NID2: variants seen among roughly 807,000 people sequenced by gnomAD.
NID2 encodes nidogen-2.
A neutral mutation model predicts 145.4 loss-of-function variants in NID2; 83 were observed. The observed-to-expected ratio is 0.57, with a 90% CI of 0.48 to 0.69. The LOEUF is 0.69. NID2 is among the 30% of genes least tolerant of loss of function. The pLI is 0.00. For missense variants in NID2, 1,807 were observed against 1,765.7 expected, an observed-to-expected ratio of 1.02 and a Z score of -0.42; for synonymous variants, 739 against 701.3, an observed-to-expected ratio of 1.05 and a Z score of -0.85.
intron 1 of NID2, 51 bp from the exon 2 acceptor site, chr14:52,068,214 C>G (rs1224108011): frequency 6.4e-7 from 1 of 1,558,758 alleles, no homozygotes; most frequent in South Asian, 1.1e-5. Flanking sequence ...CCCAAGGACG[C>G]TACCCTTTCG....
intron 9 of NID2, among the ~76,000 whole-genome samples, chr14:52,031,088 A>T (rs34389178): frequency 0.068 from 10,382 of 152,274 alleles, 395 homozygotes; most frequent in Middle Eastern, 0.13. Flanking sequence ...TCCATAGCTC[A>T]TGCTTTCCAC....
At chr14:52,031,277 A>G (rs1891862149) in intron 9 of NID2, among the ~76,000 whole-genome samples, 1 of 152,208 alleles carries the variant, frequency 6.6e-6, no homozygotes, top group Non-Finnish European at 1.5e-5. Context: ...ACATCTGCCA[A>G]TCCTGCTAAA....
intron 3 of NID2, among the ~76,000 whole-genome samples, chr14:52,054,543 C>T (rs1443178165): frequency 1.3e-5 from 2 of 152,128 alleles, no homozygotes; most frequent in African/African-American, 4.8e-5. Flanking sequence ...CTCTACAAAA[C>T]CCTTTTCTAA....
At chr14:52,054,588 C>T (rs779396046) in intron 3 of NID2, among the ~76,000 whole-genome samples, 5 of 152,298 alleles carry the variant, frequency 3.3e-5, no homozygotes, top group South Asian at 4.1e-4. Context: ...CATGCCTGTG[C>T]TTCTAGCTAC....
At chr14:52,060,797 T>C (rs1893001312) in intron 2 of NID2, among the ~76,000 whole-genome samples, 1 of 152,178 alleles carries the variant, frequency 6.6e-6, no homozygotes, top group Non-Finnish European at 1.5e-5. Flanking sequence ...ATTCATTCAT[T>C]CATCCATTTA....
chr14:52,019,522 T>G (rs968735029), intron 13 of NID2, among the ~76,000 whole-genome samples: 5 of 152,172 alleles, frequency 3.3e-5, no homozygotes, highest in Non-Finnish European at 5.9e-5. Flanking sequence ...CCCCTCCCTA[T>G]TGTCATCTGG....
rs113122501 is a variant in NID2, at chr14:52,026,999, A to G, written c.2674+202T>C. Among the ~76,000 whole-genome samples the G allele has an allele frequency of 1.4e-4, 21 of 152,320 alleles. 1 individual carries two copies. The highest frequency in any genetic ancestry group is 5.1e-4 in the African/African-American group (21 of 41,578). ...AACGTCTCCGCCAAGGAAGCCATAT[A>G]TGCTCGCCCATCTAGTCCAGAGGAA... On this transcript the variant is annotated intron_variant, in intron 12 of 21. Coordinates refer to ENST00000216286, the MANE Select transcript of NID2 (RefSeq NM_007361.4).
intron 9 of NID2, among the ~76,000 whole-genome samples, chr14:52,035,407 A>C (rs1566759147): frequency 6.6e-6 from 1 of 152,210 alleles, no homozygotes; most frequent in African/African-American, 2.4e-5. Context: ...ACAGAGCAAC[A>C]TGCTTTTAAG....
In NID2 at chr14:52,053,984, G is replaced by T. The variant is rs1023267196; in HGVS notation, c.1069+36C>A. The T allele has an allele frequency of 3.7e-6, 6 of 1,611,252 alleles. No individual in the cohort carries two copies. The African/African-American group carries it at 5.3e-5, about 14-fold the overall frequency. On this transcript the variant is annotated intron_variant, in intron 4 of 21. Transcript: ENST00000216286. ...CAATAAGTAGGTGTTGGATGCAAGGGGGAGGACAGATCAGAATCTGGAGGG... is the reference window on the plus strand; with the variant it reads ...CAATAAGTAGGTGTTGGATGCAAGGTGGAGGACAGATCAGAATCTGGAGGG...
At chr14:52,047,557 T>C (rs2140412892) in intron 5 of NID2, among the ~76,000 whole-genome samples, 1 of 152,136 alleles carries the variant, frequency 6.6e-6, no homozygotes, top group Non-Finnish European at 1.5e-5. Flanking sequence ...CCGACTACAG[T>C]AAATCAGACA....
intron 18 of NID2, 92 bp from the exon 19 acceptor site, chr14:52,008,059 T>G: frequency 9.8e-7 from 1 of 1,022,284 alleles, no homozygotes; most frequent in Non-Finnish European, 1.4e-6. Flanking sequence ...CATCTCCTCA[T>G]GTATTATAGC....
intron 9 of NID2, among the ~76,000 whole-genome samples, chr14:52,034,662 T>G (rs1422727828): frequency 2.6e-5 from 4 of 152,228 alleles, no homozygotes; most frequent in Non-Finnish European, 1.5e-5. Flanking sequence ...CAACACTTCT[T>G]TATTGAGCCT....
intron 5 of NID2, among the ~76,000 whole-genome samples, chr14:52,051,772 A>G (rs1892686850): frequency 6.6e-6 from 1 of 152,202 alleles, no homozygotes; most frequent in Non-Finnish European, 1.5e-5. Flanking sequence ...CTTCCTCCAA[A>G]ATGCGTATTA....
intron 5 of NID2, 132 bp from the exon 6 acceptor site, chr14:52,043,063 G>C (rs1892345286): frequency 1.2e-6 from 1 of 815,560 alleles, no homozygotes; most frequent in African/African-American, 1.7e-5. Flanking sequence ...TAAGAGACCG[G>C]CATAACATTC....
intron 9 of NID2, among the ~76,000 whole-genome samples, chr14:52,037,661 A>T (rs922442726): frequency 2.0e-5 from 3 of 152,188 alleles, no homozygotes; most frequent in Non-Finnish European, 2.9e-5. Flanking sequence ...AAATTCTAGA[A>T]TCAGCTTGCC....
intron 16 of NID2, among the ~76,000 whole-genome samples, chr14:52,012,933 A>G (rs1220579069): frequency 6.6e-6 from 1 of 152,134 alleles, no homozygotes; most frequent in African/African-American, 2.4e-5. Context: ...GCCCCCTGGG[A>G]GCGTAGTCAG....
rs149636793 is a variant in NID2 at position 52,060,284 on chromosome 14, C to T, written c.607G>A (p.Gly203Ser). The change falls in exon 3 of 22, where the codon GGC (glycine) becomes AGC (serine). Residue 203 changes from glycine (G) to serine (S), a missense_variant. Gly to Ser is a moderately conservative substitution (Grantham distance 56). Coordinates refer to ENST00000216286, the MANE Select transcript of NID2 (RefSeq NM_007361.4). ...SYALFLYPAN[G>S]LQFLGTRPKE... Reference sequence around the variant, plus strand: ...GGGCGGGTTCCAAGGAACTGCAGGCCGTTGGCAGGATAAAGAAAGAGGGCG... The same window carrying T: ...GGGCGGGTTCCAAGGAACTGCAGGCTGTTGGCAGGATAAAGAAAGAGGGCG... The T allele has an allele frequency of 1.9e-5, 30 of 1,611,782 alleles. No homozygotes were observed. In the African/African-American group the frequency reaches 2.4e-4, roughly 13 times the overall value.
chr14:52,008,415 G>A (rs1018140191), intron 18 of NID2: 1 of 153,734 alleles, frequency 6.5e-6, no homozygotes, highest in South Asian at 2.0e-4. Context: ...CCTTGTGAGA[G>A]ACTCCATGCC....
chr14:52,060,392 G>C, intron 2 of NID2, 36 bp from the exon 3 acceptor site: 1 of 1,126,026 alleles, frequency 8.9e-7, no homozygotes, highest in Non-Finnish European at 1.2e-6. Context: ...GAGAGAGAGA[G>C]AGAGAAACAT....
Sources: allele counts gnomAD v4.1 joint callset (sites outside exome capture counted in the v4.1 genomes callset), GRCh38; gene constraint gnomAD v4.1.1; transcripts MANE v1.5; gene names NCBI Gene and HGNC (gene_info 2026-07-23, HGNC 2026-07-21).